Variants in AP1M2 observed in about 807,000 individuals in gnomAD.
AP1M2 encodes the protein AP-1 complex subunit mu-2.
A neutral mutation model predicts 54.6 loss-of-function variants in AP1M2; 41 were observed. That is an observed-to-expected ratio of 0.75 (90% CI 0.59 to 0.97). The LOEUF (loss-of-function observed/expected upper bound fraction) is 0.97. Among genes scored for constraint, AP1M2 ranks in the 50% least tolerant of loss-of-function variants. The pLI is 0.00. For missense variants in AP1M2, 507 were observed against 561.2 expected (o/e 0.90, Z 0.98); for synonymous variants, 219 against 215.9 (o/e 1.01, Z -0.13).
chr19:10,584,212 C>G (rs1290203394), intron 1 of AP1M2, 142 bp from the exon 2 acceptor site: 11 of 1,095,956 alleles, frequency 1.0e-5, no homozygotes, highest in Non-Finnish European at 1.4e-5. Context: ...GTTTCCTGCT[C>G]TGTAAAATGG....
intron 10 of AP1M2, 46 bp from the exon 11 acceptor site, chr19:10,574,538 AGGCCAG>A: frequency 6.7e-7 from 1 of 1,493,824 alleles, no homozygotes; most frequent in Non-Finnish European, 9.1e-7. Flanking sequence ...AGGAGGGAGG[AGGCCAG>A]GGCCAGGGAG....
At chr19:10,577,755 T>TTTTTTG (rs1401635898) in intron 8 of AP1M2, among the ~76,000 whole-genome samples, 1 of 108,440 alleles carries the variant, frequency 9.2e-6, no homozygotes, top group Non-Finnish European at 1.9e-5. Context: ...TTTTTTTTTT[T>TTTTTTG]AGACGGAGTC....
chr19:10,586,854 C>T (rs778217521), intron 1 of AP1M2, among the ~76,000 whole-genome samples: 5 of 152,054 alleles, frequency 3.3e-5, no homozygotes, highest in African/African-American at 9.7e-5. Flanking sequence ...CTGTGGATGC[C>T]GACAGTGATG....
intron 1 of AP1M2, 23 bp from the exon 2 acceptor site, chr19:10,584,093 T>C (rs1309582702): frequency 6.2e-7 from 1 of 1,602,208 alleles, no homozygotes; most frequent in African/African-American, 1.3e-5. Flanking sequence ...GGAAAGGACC[T>C]GGTCACCACC....
chr19:10,584,067 A>G lies in AP1M2; in HGVS notation c.46T>C (p.Leu16=). 1.9e-6 allele frequency: 3 copies of G among 1,609,078 alleles called. No homozygotes were observed. Among genetic ancestry groups the G allele is most frequent in the South Asian group, 1.1e-5 (1 of 89,880 alleles). The change falls in exon 2 of 12, where the codon TTG becomes CTG. Residue 16 remains leucine (L), a synonymous_variant. Transcript: ENST00000250244. ...TCGCCCTTGTAGTTGCGGCTGATCA[A>G]TGGCTGAGGGTGGAAGGAAAGGACC... The part of the protein sequence containing the change: ...VFILDVKGKP[L]ISRNYKGDVA...
In AP1M2 at chr19:10,577,278, G is replaced by C. The variant is rs1353173574; in HGVS notation, c.967C>G (p.Pro323Ala). ...SVPVPSDADSPRFKTSVGSAK... is the reference protein window; with the variant it reads ...SVPVPSDADSARFKTSVGSAK... ...CTGCCCACACTGGTCTTGAATCTGG[G>C]GGAGTCGGCATCGCTGGGTACAGGC... The change falls in exon 9 of 12, where the codon CCC (proline) becomes GCC (alanine). Residue 323 changes from proline to alanine, a missense_variant. Pro to Ala is a conservative substitution (Grantham distance 27). Transcript: ENST00000250244. 1 of 1,612,916 alleles carries C rather than the reference G, an allele frequency of 6.2e-7. No individual in the cohort carries two copies. The highest frequency in any genetic ancestry group is 2.2e-5 in the East Asian group (1 of 44,876).
rs1345801420 is a variant in AP1M2, at chr19:10,572,879, A to C, written c.*187T>G. The C allele has an allele frequency of 1.8e-6, 1 of 545,834 alleles. No homozygotes were observed. Among genetic ancestry groups the C allele is most frequent in the African/African-American group, 1.9e-5 (1 of 52,292 alleles). 33.8% of individuals were successfully genotyped at this position (545,834 alleles called of 1,614,324 possible). ...AGCTCCAAGGGCGAGGGAAGCAGAGAGAGTTTCTCTCCCAGCCTATGGAAT... is the reference window on the plus strand; with the variant it reads ...AGCTCCAAGGGCGAGGGAAGCAGAGCGAGTTTCTCTCCCAGCCTATGGAAT... On this transcript the variant is annotated 3_prime_UTR_variant, in exon 12 of 12. Coordinates refer to ENST00000250244, the MANE Select transcript of AP1M2 (RefSeq NM_005498.5).
chr19:10,583,059 C>G (rs1917515611), intron 3 of AP1M2, among the ~76,000 whole-genome samples: 1 of 151,780 alleles, frequency 6.6e-6, no homozygotes, highest in Non-Finnish European at 1.5e-5. Flanking sequence ...CTCCTGGCCT[C>G]AAGCAATCCG....
Position 10,575,036 on chromosome 19 carries a change from G to A in AP1M2, c.1048-7C>T. 6.7e-7 allele frequency: 1 copy of A among 1,489,900 alleles called. No homozygotes were observed. The highest frequency in any genetic ancestry group is 8.9e-7 in the Non-Finnish European group (1 of 1,117,420). The allele number at this position is 1,489,900 out of a possible 1,614,324, so 92.3% of individuals were successfully genotyped here. A position where few individuals can be genotyped will look rare whatever the true frequency, so the allele number is the denominator to read the frequency against. On this transcript the variant is annotated splice_region_variant and splice_polypyrimidine_tract_variant and intron_variant, in intron 9 of 11. Coordinates refer to ENST00000250244, the MANE Select transcript of AP1M2 (RefSeq NM_005498.5). ...TCAAGTACTCCTTGCCCCCCTGAGG[G>A]AACATGGGGGCATCAGGTACACGAG...
intron 3 of AP1M2, among the ~76,000 whole-genome samples, chr19:10,582,577 G>A (rs144295214): frequency 0.026 from 3,996 of 151,722 alleles, 67 homozygotes; most frequent in Non-Finnish European, 0.044. Flanking sequence ...GCAAAACCCC[G>A]TCTATACTAA....
Position 10,577,582 on chromosome 19 carries a change from C to T in AP1M2, c.889-226G>A, listed in dbSNP as rs1236542270. 1.2e-4 allele frequency among the ~76,000 whole-genome samples: 18 copies of T among 150,440 alleles called. No individual in the cohort carries two copies. The East Asian group carries it at 3.6e-3, about 30-fold the overall frequency. On this transcript the variant is annotated intron_variant, in intron 8 of 11. Coordinates refer to ENST00000250244, the MANE Select transcript of AP1M2 (RefSeq NM_005498.5). The stretch of plus-strand genomic sequence containing the variant: ...CTGAGCAGCTGGGACTACAGGCACC[C>T]GCCAGCACGCCCAGCTAATTTTTTT...
In AP1M2 at chr19:10,579,731, G is replaced by A; in HGVS notation, c.801C>T (p.Tyr267=). Residue 267 remains tyrosine (Y), a synonymous_variant, in exon 7 of 12, where the codon TAC becomes TAT. Transcript: ENST00000250244. ...PPDGDFELMS[Y]RLSTQVKPLI... ...CCTGCCTCACCTGGGTGCTGAGGCGGTATGACATGAGCTCAAAGTCACCAT... is the reference window on the plus strand; with the variant it reads ...CCTGCCTCACCTGGGTGCTGAGGCGATATGACATGAGCTCAAAGTCACCAT... The A allele has an allele frequency of 1.2e-6, 2 of 1,613,480 alleles. No individual in the cohort carries two copies. Among genetic ancestry groups the A allele is most frequent in the South Asian group, 1.1e-5 (1 of 91,008 alleles).
rs1568434698 is a variant in AP1M2 at position 10,585,283 on chromosome 19, A to AAGGAAGGAAGG, written c.43-1214_43-1213insCCTTCCTTCCT. 1.9e-5 allele frequency among the ~76,000 whole-genome samples: 2 copies of AAGGAAGGAAGG among 104,570 alleles called. 1 individual carries two copies. Among genetic ancestry groups the AAGGAAGGAAGG allele is most frequent in the African/African-American group, 8.4e-5 (2 of 23,712 alleles). 68.6% of individuals were successfully genotyped at this position (104,570 alleles called of 152,430 possible). ...AAGAAGGAAAGAAAGAAAGAAGAAAAAAAGAAAGAAAGAAAGAAAGAAAGA... is the reference window on the plus strand; with the variant it reads ...AAGAAGGAAAGAAAGAAAGAAGAAAAAGGAAGGAAGGAAAGAAAGAAAGAAAGAAAGAAAGA... On this transcript the variant is annotated intron_variant, in intron 1 of 11. Transcript: ENST00000250244.
At chr19:10,584,765 T>C (rs1413090989) in intron 1 of AP1M2, among the ~76,000 whole-genome samples, 1 of 152,088 alleles carries the variant, frequency 6.6e-6, no homozygotes, top group African/African-American at 2.4e-5. Context: ...GTAGATGTTA[T>C]CATCATCTCC....
At chr19:10,573,138 G>T in intron 11 of AP1M2, 50 bp from the exon 12 acceptor site, 1 of 1,513,402 alleles carries the variant, frequency 6.6e-7, no homozygotes, top group Non-Finnish European at 9.0e-7. Flanking sequence ...GGAGAGGGGG[G>T]CCGGGCACGG....
chr19:10,583,859 A>G, intron 2 of AP1M2, 55 bp downstream of exon 2: 1 of 1,548,126 alleles, frequency 6.5e-7, no homozygotes, highest in Non-Finnish European at 8.7e-7. Flanking sequence ...CTGAGCTGCC[A>G]CCATCGCCGA....
At chr19:10,574,315 T>C in intron 11 of AP1M2, 102 bp downstream of exon 11, 1 of 981,356 alleles carries the variant, frequency 1.0e-6, no homozygotes, top group Non-Finnish European at 1.5e-6. Flanking sequence ...CCATCACACC[T>C]GACCCTTGTT....
intron 1 of AP1M2, 91 bp downstream of exon 1, chr19:10,587,099 C>T (rs1917672744): frequency 7.0e-7 from 1 of 1,425,644 alleles, no homozygotes; most frequent in South Asian, 1.3e-5. Context: ...GTTCCCAGAC[C>T]TCTTCCTGGC....
Position 10,583,687 on chromosome 19 carries a change from GT to G in AP1M2, c.200-15del, listed in dbSNP as rs1917536767. On this transcript the variant is annotated splice_polypyrimidine_tract_variant and intron_variant, in intron 2 of 11. Coordinates refer to ENST00000250244, the MANE Select transcript of AP1M2 (RefSeq NM_005498.5). ...TGGTGGCCACCACTGGGGCAGCAAG[GT>G]TAAGGAAAAGGTGCCATTTATGGAG... 1.2e-6 allele frequency: 2 copies of G among 1,611,684 alleles called. No homozygotes were observed. The highest frequency in any genetic ancestry group is 2.7e-5 in the African/African-American group (2 of 74,838).
Sources: gnomAD v4.1 joint callset for allele counts (sites outside exome capture counted in the v4.1 genomes callset) on GRCh38, gnomAD v4.1.1 for gene constraint, MANE v1.5 for transcripts, NCBI Gene and HGNC (gene_info 2026-07-23, HGNC 2026-07-21) for gene names.